Variants in DSCAM observed in about 807,000 individuals in gnomAD.
The protein encoded by DSCAM is DS cell adhesion molecule, also known as cell adhesion molecule DSCAM.
Under a neutral mutation model 217.7 loss-of-function variants are expected in DSCAM, and 47 were observed. The observed-to-expected ratio is 0.22, with a 90% confidence interval of 0.17 to 0.28. The LOEUF (loss-of-function observed/expected upper bound fraction) is 0.28, where lower values mean the gene tolerates loss of function less well. DSCAM is among the 10% of genes least tolerant of loss of function. The pLI is 1.00. For synonymous variants in DSCAM, 1,056 were observed against 1,015.3 expected (o/e 1.04, Z -0.76); for missense variants, 2,080 against 2,618.3 (o/e 0.79, Z 4.49).
At chr21:40,499,630 C>T (rs1474767221) in intron 3 of DSCAM, among the ~76,000 whole-genome samples, 1 of 152,194 alleles carries the variant, frequency 6.6e-6, no homozygotes, top group African/African-American at 2.4e-5. Flanking sequence ...TTCTCTTGCT[C>T]TTTTCCAAAC....
intron 3 of DSCAM, among the ~76,000 whole-genome samples, chr21:40,617,420 G>A (rs1601792424): frequency 1.3e-5 from 2 of 152,068 alleles, no homozygotes; most frequent in Non-Finnish European, 2.9e-5. Context: ...CACCGCGCCC[G>A]GCCCAGAATG....
At chr21:40,661,605 A>C (rs903722829) in intron 3 of DSCAM, among the ~76,000 whole-genome samples, 1 of 152,340 alleles carries the variant, frequency 6.6e-6, no homozygotes, top group Non-Finnish European at 1.5e-5. Context: ...AAACAAACAG[A>C]ATTTATTAGC....
intron 3 of DSCAM, among the ~76,000 whole-genome samples, chr21:40,684,681 T>C (rs1028112088): frequency 6.6e-6 from 1 of 152,250 alleles, no homozygotes; most frequent in Admixed American, 6.5e-5. Context: ...TGTTTTCTTA[T>C]ACTGTGGCAC....
chr21:40,263,839 G>T (rs1316503103), intron 11 of DSCAM, among the ~76,000 whole-genome samples: 1 of 151,936 alleles, frequency 6.6e-6, no homozygotes, highest in Non-Finnish European at 1.5e-5. Context: ...AGAAGATTCA[G>T]ATAAGTTCAA....
chr21:40,655,078 G>C (rs936673229), intron 3 of DSCAM, among the ~76,000 whole-genome samples: 1 of 152,094 alleles, frequency 6.6e-6, no homozygotes. Flanking sequence ...GAGAAGGAGA[G>C]AGAAAATGGA....
At chr21:40,582,191 T>A (rs528208491) in intron 3 of DSCAM, among the ~76,000 whole-genome samples, 1 of 152,304 alleles carries the variant, frequency 6.6e-6, no homozygotes, top group African/African-American at 2.4e-5. Flanking sequence ...ATAAATCAGT[T>A]CTTCTTCATA....
At chr21:40,100,531 G>A (rs1410984665) in intron 20 of DSCAM, among the ~76,000 whole-genome samples, 1 of 151,948 alleles carries the variant, frequency 6.6e-6, no homozygotes, top group Non-Finnish European at 1.5e-5. Context: ...TTATTACGTA[G>A]CACTCTCTTC....
rs146169829 is a variant in DSCAM at position 40,545,145 on chromosome 21, T to C, written c.508+147665A>G. Among the ~76,000 whole-genome samples, 11 of 152,238 alleles carry C rather than the reference T, an allele frequency of 7.2e-5. No homozygotes were observed. The East Asian group carries it at 1.7e-3, about 24-fold the overall frequency. On this transcript the variant is annotated intron_variant, in intron 3 of 32. Coordinates refer to ENST00000400454, the MANE Select transcript of DSCAM (RefSeq NM_001389.5). Reference sequence around the variant, plus strand: ...TGTTCTGTCCTTCTGCTCTGTGCCATGTAGGGATACAAGGACACAGTAAGA... The same window carrying C: ...TGTTCTGTCCTTCTGCTCTGTGCCACGTAGGGATACAAGGACACAGTAAGA...
At chr21:40,191,533 T>C (rs562151879) in intron 11 of DSCAM, among the ~76,000 whole-genome samples, 6 of 152,336 alleles carry the variant, frequency 3.9e-5, no homozygotes, top group Non-Finnish European at 7.3e-5. Flanking sequence ...AATAGCTTTA[T>C]TGTGGTATAA....
intron 1 of DSCAM, among the ~76,000 whole-genome samples, chr21:40,805,544 C>A (rs994165360): frequency 7.2e-5 from 11 of 152,236 alleles, no homozygotes; most frequent in African/African-American, 2.6e-4. Context: ...AGTTTCCTTC[C>A]CCTTCCAGGT....
At chr21:40,222,138 C>T (rs959484429) in intron 11 of DSCAM, among the ~76,000 whole-genome samples, 4 of 152,098 alleles carry the variant, frequency 2.6e-5, no homozygotes, top group Non-Finnish European at 4.4e-5. Context: ...AGTCTTAATT[C>T]GATTTTAGAA....
intron 3 of DSCAM, among the ~76,000 whole-genome samples, chr21:40,419,568 G>T (rs761762200): frequency 3.3e-5 from 5 of 152,016 alleles, no homozygotes; most frequent in African/African-American, 4.8e-5. Context: ...CATATATGAG[G>T]GCAAAGAAAG....
intron 3 of DSCAM, among the ~76,000 whole-genome samples, chr21:40,517,565 A>G (rs1369771864): frequency 6.6e-6 from 1 of 152,102 alleles, no homozygotes. Context: ...CTCCTTTTCT[A>G]ATATGTCTAT....
chr21:40,670,408 T>C (rs60271984), intron 3 of DSCAM, among the ~76,000 whole-genome samples: 2,466 of 152,080 alleles, frequency 0.016, 61 homozygotes, highest in African/African-American at 0.057. Context: ...TGTGGTGGCG[T>C]GTGCCTGTAG....
In DSCAM at chr21:40,149,932, C is replaced by T. The variant is rs142747817; in HGVS notation, c.3019-5201G>A. 6.2e-4 allele frequency among the ~76,000 whole-genome samples: 94 copies of T among 152,092 alleles called. 1 individual carries two copies. In the East Asian group the frequency reaches 0.017, roughly 27 times the overall value. Reference sequence around the variant, plus strand: ...TCCATCACTATCCCAACACCAATATCACTATCACCACAACCATCCATCATT... The same window carrying T: ...TCCATCACTATCCCAACACCAATATTACTATCACCACAACCATCCATCATT... On this transcript the variant is annotated intron_variant, in intron 16 of 32. Coordinates refer to ENST00000400454, the MANE Select transcript of DSCAM (RefSeq NM_001389.5).
chr21:40,449,123 G>A (rs1301099651), intron 3 of DSCAM, among the ~76,000 whole-genome samples: 2 of 152,054 alleles, frequency 1.3e-5, no homozygotes, highest in Non-Finnish European at 1.5e-5. Context: ...CTGTAGTCAC[G>A]CCTCCCTCTG....
At chr21:40,482,801 C>T (rs1011403944) in intron 3 of DSCAM, among the ~76,000 whole-genome samples, 2 of 152,124 alleles carry the variant, frequency 1.3e-5, no homozygotes, top group Non-Finnish European at 2.9e-5. Context: ...TAGCACACTA[C>T]CTCCACACTT....
At chr21:40,410,636 G>T (rs1348294517) in intron 3 of DSCAM, among the ~76,000 whole-genome samples, 2 of 151,204 alleles carry the variant, frequency 1.3e-5, no homozygotes, top group Non-Finnish European at 2.9e-5. Context: ...AAGGGGCCAG[G>T]GTTAAATTAC....
At chr21:40,832,954 G>C (rs986368269) in intron 1 of DSCAM, among the ~76,000 whole-genome samples, 1 of 152,118 alleles carries the variant, frequency 6.6e-6, no homozygotes, top group African/African-American at 2.4e-5. Flanking sequence ...CCAGTCTAAA[G>C]TACACGGCAT....
Sources: gnomAD v4.1 joint callset for allele counts (sites outside exome capture counted in the v4.1 genomes callset) on GRCh38, gnomAD v4.1.1 for gene constraint, MANE v1.5 for transcripts, NCBI Gene and HGNC (gene_info 2026-07-23, HGNC 2026-07-21) for gene names.